PLCZ1: variants seen among roughly 807,000 people sequenced by gnomAD.
PLCZ1 encodes phospholipase C zeta 1.
PLCZ1 carries 64 observed loss-of-function variants against 76.8 expected under a neutral mutation model. The ratio of observed to expected loss-of-function variants is 0.83; its 90% CI spans 0.68 to 1.03. PLCZ1 has a LOEUF of 1.03. Ranked by LOEUF, PLCZ1 falls within the 50% of genes least tolerant of loss-of-function variation. The pLI is 0.00. For missense variants in PLCZ1, 751 were observed against 713.7 expected (o/e 1.05, Z -0.60); for synonymous variants, 248 against 230.8 (o/e 1.07, Z -0.68).
chr12:18,701,872 C>T (rs549066305), intron 7 of PLCZ1, 96 bp from the exon 8 acceptor site: 3 of 1,501,180 alleles, frequency 2.0e-6, no homozygotes, highest in East Asian at 2.5e-5. Context: ...TCCAATTAGC[C>T]TACAGTAATA....
intron 12 of PLCZ1, among the ~76,000 whole-genome samples, chr12:18,688,732 T>A (rs901075304): frequency 1.3e-5 from 2 of 152,078 alleles, no homozygotes; most frequent in African/African-American, 4.8e-5. Flanking sequence ...ATAATAATTG[T>A]ATTTAAACTT....
At chr12:18,733,581 T>C (rs189280746) in intron 3 of PLCZ1, among the ~76,000 whole-genome samples, 61 of 152,316 alleles carry the variant, frequency 4.0e-4, no homozygotes, top group African/African-American at 1.4e-3. Flanking sequence ...TTTTCTTCTA[T>C]GAGTTTCATA....
At chr12:18,710,969 A>G (rs546179834) in intron 6 of PLCZ1, among the ~76,000 whole-genome samples, 82 of 152,230 alleles carry the variant, frequency 5.4e-4, no homozygotes, top group African/African-American at 1.9e-3. Context: ...TGTGGAAGTC[A>G]GTGTGGCGAT....
At chr12:18,703,834 T>C (rs1259524190) in intron 7 of PLCZ1, among the ~76,000 whole-genome samples, 1 of 152,100 alleles carries the variant, frequency 6.6e-6, no homozygotes, top group Non-Finnish European at 1.5e-5. Flanking sequence ...TCTAACTGAA[T>C]CCCAAGCCTT....
At chr12:18,720,343 G>A (rs1035736547) in intron 4 of PLCZ1, among the ~76,000 whole-genome samples, 4 of 151,732 alleles carry the variant, frequency 2.6e-5, no homozygotes, top group Admixed American at 1.3e-4. Flanking sequence ...ATGTCTTTTA[G>A]TGCAAATATA....
chr12:18,672,966 T>C, the PLCZ1 span, among the ~76,000 whole-genome samples: 3 of 152,086 alleles, frequency 2.0e-5, no homozygotes, highest in Non-Finnish European at 4.4e-5. Context: ...AGAAGTGAGA[T>C]GTGAAGGCTA....
intron 7 of PLCZ1, among the ~76,000 whole-genome samples, chr12:18,701,996 A>G (rs772293361): frequency 1.3e-5 from 2 of 152,158 alleles, no homozygotes; most frequent in Non-Finnish European, 2.9e-5. Flanking sequence ...GCCTGTTATG[A>G]TTGAGACTTA....
intron 14 of PLCZ1, 49 bp from the exon 15 acceptor site, chr12:18,683,373 G>C (rs1266290101): frequency 6.4e-7 from 1 of 1,571,988 alleles, no homozygotes. Context: ...TTAATCAGTG[G>C]TGTCTCCAAT....
chr12:18,650,746 A>ATC, the PLCZ1 span, among the ~76,000 whole-genome samples: 1 of 54,678 alleles, frequency 1.8e-5, no homozygotes, highest in Non-Finnish European at 3.2e-5. Flanking sequence ...ATATATATAT[A>ATC]TATATATATA....
chr12:18,704,899 T>C (rs868597332), intron 7 of PLCZ1, among the ~76,000 whole-genome samples: 1 of 152,126 alleles, frequency 6.6e-6, no homozygotes, highest in Non-Finnish European at 1.5e-5. Context: ...TCCTTAATAC[T>C]AATTGCTTTG....
chr12:18,667,930 G>A, the PLCZ1 span, among the ~76,000 whole-genome samples: 111 of 152,112 alleles, frequency 7.3e-4, 1 homozygote, highest in African/African-American at 2.5e-3. Flanking sequence ...AGAGTGAGAC[G>A]GGGAGCAGGG....
the PLCZ1 span, among the ~76,000 whole-genome samples, chr12:18,676,968 T>C: frequency 1.3e-5 from 2 of 152,282 alleles, no homozygotes; most frequent in African/African-American, 4.8e-5. Flanking sequence ...CCAGAACATC[T>C]GGTTCAAACA....
chr12:18,727,040 C>T (rs1041980438), intron 3 of PLCZ1, among the ~76,000 whole-genome samples: 1 of 152,066 alleles, frequency 6.6e-6, no homozygotes, highest in East Asian at 1.9e-4. Context: ...TGGAAGTATA[C>T]AGGTGCCGAA....
At chr12:18,691,853 T>C (rs1954139489) in intron 12 of PLCZ1, among the ~76,000 whole-genome samples, 1 of 152,178 alleles carries the variant, frequency 6.6e-6, no homozygotes, top group South Asian at 2.1e-4. Context: ...GCCAGCTACA[T>C]ACTTCACAGG....
intron 6 of PLCZ1, among the ~76,000 whole-genome samples, chr12:18,707,943 G>A (rs1565701947): frequency 6.6e-6 from 1 of 152,138 alleles, no homozygotes; most frequent in Non-Finnish European, 1.5e-5. Context: ...TAGTAAGAAG[G>A]TTATTACAGT....
At chr12:18,650,549 A>G in the PLCZ1 span, among the ~76,000 whole-genome samples, 1 of 149,964 alleles carries the variant, frequency 6.7e-6, no homozygotes, top group Non-Finnish European at 1.5e-5. Flanking sequence ...TACCATATAA[A>G]CACATGAAAG....
Position 18,710,802 on chromosome 12 carries a change from G to A in PLCZ1, c.714+2040C>T, listed in dbSNP as rs141438577. Among the ~76,000 whole-genome samples, 248 of 152,150 alleles carry A rather than the reference G, an allele frequency of 1.6e-3. 1 individual carries two copies. Among genetic ancestry groups the A allele is most frequent in the Non-Finnish European group, 1.8e-3 (120 of 67,972 alleles). ...GAAAAAATGCTCATCATCACTGGCC[G>A]TCAGAGAAATGCAAATCAAAACCAC... On this transcript the variant is annotated intron_variant, in intron 6 of 14. Coordinates refer to ENST00000266505, the MANE Select transcript of PLCZ1 (RefSeq NM_033123.4).
chr12:18,712,242 A>G (rs1360386484), intron 6 of PLCZ1, among the ~76,000 whole-genome samples: 1 of 152,142 alleles, frequency 6.6e-6, no homozygotes, highest in African/African-American at 2.4e-5. Flanking sequence ...TATAAATGAA[A>G]CCAGTGTTAT....
At position 18,701,755 on chromosome 12, in the gene PLCZ1, C is replaced by T; in HGVS notation, c.886G>A (p.Val296Ile). The T allele has an allele frequency of 6.2e-7, 1 of 1,606,256 alleles. No homozygotes were observed. The highest frequency in any genetic ancestry group is 1.7e-4 in the Middle Eastern group (1 of 6,044). Residue 296 changes from valine to isoleucine, a missense_variant, in exon 8 of 15, where the codon GTT (valine) becomes ATT (isoleucine). Coordinates refer to ENST00000266505, the MANE Select transcript of PLCZ1 (RefSeq NM_033123.4). ...AAGGTTCCTATTTTCTTATTTTTAA[C>T]TAATATTTTGAATTTTAGTGCCTAA... is the stretch of plus-strand genomic sequence containing the variant. ...SPEALKFKIL[V>I]KNKKIGTLKE... is the part of the protein sequence containing the mutation.
Sources: gnomAD v4.1 joint callset for allele counts (sites outside exome capture counted in the v4.1 genomes callset) on GRCh38, gnomAD v4.1.1 for gene constraint, MANE v1.5 for transcripts, NCBI Gene and HGNC (gene_info 2026-07-23, HGNC 2026-07-21) for gene names.